Variants in TNNI3K observed in about 807,000 individuals in gnomAD.
TNNI3K encodes the protein TNNI3 interacting kinase.
Under a neutral mutation model 114.5 loss-of-function variants are expected in TNNI3K, and 140 were observed. The observed-to-expected ratio is 1.22, with a 90% CI of 1.07 to 1.41. The LOEUF (loss-of-function observed/expected upper bound fraction) is 1.41, where lower values mean the gene tolerates loss of function less well. Among genes scored for constraint, TNNI3K ranks in the 40% most tolerant of loss-of-function variants. TNNI3K has a pLI of 0.00. For synonymous variants in TNNI3K, 347 were observed against 347.5 expected (o/e 1.00, Z 0.02); for missense variants, 1,125 against 1,007.6 (o/e 1.12, Z -1.58).
intron 17 of TNNI3K, among the ~76,000 whole-genome samples, chr1:74,415,709 T>G (rs1436059412): frequency 6.6e-6 from 1 of 151,784 alleles, no homozygotes; most frequent in Non-Finnish European, 1.5e-5. Flanking sequence ...CTTTTTTATA[T>G]CTTTCCTATA....
intron 20 of TNNI3K, among the ~76,000 whole-genome samples, chr1:74,450,301 C>A (rs1666928121): frequency 6.6e-6 from 1 of 151,624 alleles, no homozygotes; most frequent in South Asian, 2.1e-4. Flanking sequence ...CAAGAGAAAG[C>A]AGGAAAGATC....
intron 2 of TNNI3K, among the ~76,000 whole-genome samples, chr1:74,244,952 T>C (rs1024835675): frequency 1.3e-5 from 2 of 152,098 alleles, no homozygotes; most frequent in Non-Finnish European, 2.9e-5. Context: ...GTTCGAGAGA[T>C]CAAGTTTAAA....
intron 5 of TNNI3K, among the ~76,000 whole-genome samples, chr1:74,300,775 C>G (rs1044247215): frequency 1.3e-5 from 2 of 152,022 alleles, no homozygotes; most frequent in African/African-American, 4.8e-5. Context: ...TGGAGGCAAA[C>G]AAATTTAAAT....
intron 5 of TNNI3K, among the ~76,000 whole-genome samples, chr1:74,299,370 C>T (rs1363572024): frequency 6.6e-6 from 1 of 151,870 alleles, no homozygotes; most frequent in African/African-American, 2.4e-5. Context: ...TTAGTGTAAG[C>T]GTAACATTTT....
chr1:74,351,339 G>A (rs1320763380), intron 9 of TNNI3K, among the ~76,000 whole-genome samples: 1 of 151,518 alleles, frequency 6.6e-6, no homozygotes, highest in African/African-American at 2.4e-5. Context: ...GAGATCTGCT[G>A]TTAGTCTGAT....
chr1:74,235,865 A>G (rs1156749143), intron 1 of TNNI3K, among the ~76,000 whole-genome samples: 2 of 151,536 alleles, frequency 1.3e-5, no homozygotes, highest in African/African-American at 4.8e-5. Context: ...AATAAGTCAA[A>G]TATATTTTTC....
In TNNI3K at chr1:74,236,167, C is replaced by G. The variant is rs147478946; in HGVS notation, c.106C>G (p.Gln36Glu). The G allele has an allele frequency of 6.2e-7, 1 of 1,607,608 alleles. No individual in the cohort carries two copies. The highest frequency in any genetic ancestry group is 2.2e-5 in the East Asian group (1 of 44,504). ...AATAGAAAGATTAGAAGATGACCTG[C>G]AGATCAAGGAAAAAGAACTGACAGA... is the stretch of plus-strand genomic sequence containing the variant. ...ITIERLEDDLQIKEKELTELR... is the reference protein window; with the variant it reads ...ITIERLEDDLEIKEKELTELR... Residue 36 changes from glutamine to glutamate, a missense_variant, in exon 2 of 25, where the codon CAG becomes GAG. Transcript: ENST00000326637.
At chr1:74,414,774 A>G (rs1287637898) in intron 17 of TNNI3K, among the ~76,000 whole-genome samples, 2 of 152,188 alleles carry the variant, frequency 1.3e-5, no homozygotes, top group South Asian at 4.1e-4. Context: ...GTTTCTCACT[A>G]TCGGCATCAC....
intron 5 of TNNI3K, among the ~76,000 whole-genome samples, chr1:74,308,093 A>G (rs1005261711): frequency 1.3e-5 from 2 of 151,976 alleles, no homozygotes; most frequent in African/African-American, 4.8e-5. Flanking sequence ...CAGTAATTGC[A>G]TTAGACAGCT....
intron 17 of TNNI3K, among the ~76,000 whole-genome samples, chr1:74,403,362 A>G (rs1664463897): frequency 6.6e-6 from 1 of 152,178 alleles, no homozygotes; most frequent in South Asian, 2.1e-4. Context: ...ACTTATAAAC[A>G]TCAAGCTTGA....
chr1:74,336,743 T>A (rs1323523409), intron 7 of TNNI3K, among the ~76,000 whole-genome samples: 1 of 151,162 alleles, frequency 6.6e-6, no homozygotes, highest in Non-Finnish European at 1.5e-5. Flanking sequence ...CTTAATCCAG[T>A]CTATCATTGT....
chr1:74,327,075 G>T (rs1474056676), intron 5 of TNNI3K, among the ~76,000 whole-genome samples: 1 of 144,404 alleles, frequency 6.9e-6, no homozygotes, highest in East Asian at 2.0e-4. Context: ...GCAAGACTCC[G>T]TGTCAAAAAA....
chr1:74,316,339 AT>A (rs966580773), intron 5 of TNNI3K, among the ~76,000 whole-genome samples: 9 of 152,146 alleles, frequency 5.9e-5, no homozygotes, highest in Non-Finnish European at 1.2e-4. Flanking sequence ...CCAGAATGAG[AT>A]TTTTAAAGTC....
At chr1:74,287,997 T>G (rs533498925) in intron 5 of TNNI3K, among the ~76,000 whole-genome samples, 1 of 152,222 alleles carries the variant, frequency 6.6e-6, no homozygotes, top group East Asian at 1.9e-4. Context: ...ATGCTTAATA[T>G]CGTTAATTAT....
At chr1:74,447,181 T>C (rs1219497184) in intron 20 of TNNI3K, among the ~76,000 whole-genome samples, 2 of 151,260 alleles carry the variant, frequency 1.3e-5, no homozygotes, top group Non-Finnish European at 2.9e-5. Flanking sequence ...GAGCATGGAA[T>C]GTTCTTCCAT....
chr1:74,314,045 T>TTATATATA (rs201922658), intron 5 of TNNI3K, among the ~76,000 whole-genome samples: 15 of 6,340 alleles, frequency 2.4e-3, no homozygotes, highest in African/African-American at 3.1e-3. Flanking sequence ...AGAAAGTTCA[T>TTATATATA]TATATATATA....
chr1:74,451,738 T>C (rs1401806865), intron 20 of TNNI3K, among the ~76,000 whole-genome samples: 3 of 47,818 alleles, frequency 6.3e-5, no homozygotes, highest in Non-Finnish European at 1.3e-4. Context: ...TTTCTTTCTT[T>C]CTTTCTTTCT....
chr1:74,541,638 T>TAA (rs1457489429), intron 24 of TNNI3K: 2 of 152,226 alleles, frequency 1.3e-5, no homozygotes, highest in African/African-American at 2.4e-5. Flanking sequence ...AGCATTTCTT[T>TAA]AACTTAATTT....
At chr1:74,455,646 A>G (rs1011798556) in intron 20 of TNNI3K, among the ~76,000 whole-genome samples, 4 of 152,174 alleles carry the variant, frequency 2.6e-5, no homozygotes. Flanking sequence ...AGTCCTGAGA[A>G]TCAGGAGGGT....
Sources: allele counts gnomAD v4.1 joint callset (sites outside exome capture counted in the v4.1 genomes callset), GRCh38; gene constraint gnomAD v4.1.1; transcripts MANE v1.5; gene names NCBI Gene and HGNC (gene_info 2026-07-23, HGNC 2026-07-21).